RIMS2: variants seen among roughly 807,000 people sequenced by gnomAD.
The protein encoded by RIMS2 is regulating synaptic membrane exocytosis 2.
RIMS2 carries 59 observed loss-of-function variants against 174.4 expected under a neutral mutation model. The ratio of observed to expected loss-of-function variants is 0.34; its 90% CI spans 0.27 to 0.42. The LOEUF (loss-of-function observed/expected upper bound fraction) is 0.42, where lower values mean the gene tolerates loss of function less well. Ranked by LOEUF, RIMS2 falls within the 10% of genes least tolerant of loss-of-function variation. RIMS2 has a pLI of 1.00. For synonymous variants in RIMS2, 606 were observed against 572.5 expected, an observed-to-expected ratio of 1.06 and a Z score of -0.84; for missense variants, 1,620 against 1,666.3, an observed-to-expected ratio of 0.97 and a Z score of 0.48.
chr8:103,586,327 AAGAT>A (rs2093919569), intron 1 of RIMS2, among the ~76,000 whole-genome samples: 1 of 152,232 alleles, frequency 6.6e-6, no homozygotes, highest in African/African-American at 2.4e-5. Flanking sequence ...ATCATTCTCA[AAGAT>A]AGACTATATG....
At chr8:103,746,261 G>T (rs2097812315) in intron 2 of RIMS2, among the ~76,000 whole-genome samples, 1 of 151,592 alleles carries the variant, frequency 6.6e-6, no homozygotes, top group African/African-American at 2.4e-5. Context: ...ATAGATGTAT[G>T]GGTTTATTTC....
intron 14 of RIMS2, among the ~76,000 whole-genome samples, chr8:103,958,726 G>C (rs2154544984): frequency 6.6e-6 from 1 of 152,274 alleles, no homozygotes; most frequent in Admixed American, 6.5e-5. Context: ...TAGTGCTGAA[G>C]TACTACCAAA....
chr8:104,114,588 G>A (rs2098248811), intron 19 of RIMS2, among the ~76,000 whole-genome samples: 1 of 151,824 alleles, frequency 6.6e-6, no homozygotes, highest in Admixed American at 6.6e-5. Context: ...AATAACAGTA[G>A]TATTTAAACC....
chr8:103,852,200 A>G (rs1223209088), intron 3 of RIMS2, among the ~76,000 whole-genome samples: 1 of 152,034 alleles, frequency 6.6e-6, no homozygotes, highest in Non-Finnish European at 1.5e-5. Flanking sequence ...GAGGGGAATT[A>G]GCATTAATTG....
At chr8:103,613,752 C>T (rs766490867) in intron 1 of RIMS2, among the ~76,000 whole-genome samples, 3 of 152,082 alleles carry the variant, frequency 2.0e-5, no homozygotes, top group South Asian at 2.1e-4. Flanking sequence ...AGAGTCAGCA[C>T]GTGATTAATC....
At chr8:103,908,454 T>G (rs1049099999) in intron 4 of RIMS2, among the ~76,000 whole-genome samples, 1 of 152,224 alleles carries the variant, frequency 6.6e-6, no homozygotes, top group Non-Finnish European at 1.5e-5. Context: ...ATGTACATTT[T>G]TATCATTTTA....
intron 4 of RIMS2, among the ~76,000 whole-genome samples, chr8:103,899,503 TGGTTG>T (rs2154523769): frequency 6.6e-6 from 1 of 151,988 alleles, no homozygotes; most frequent in East Asian, 1.9e-4. Flanking sequence ...ATGTGTCTGT[TGGTTG>T]CATAAATGTC....
chr8:103,774,359 T>C (rs3107471), intron 3 of RIMS2, among the ~76,000 whole-genome samples: 128,282 of 152,224 alleles, frequency 0.84, 54,571 homozygotes, highest in African/African-American at 0.96. Flanking sequence ...AATATATCTA[T>C]AAAATACTTG....
intron 19 of RIMS2, among the ~76,000 whole-genome samples, chr8:104,092,588 A>G (rs2097680920): frequency 6.6e-6 from 1 of 151,816 alleles, no homozygotes; most frequent in Non-Finnish European, 1.5e-5. Flanking sequence ...TTGCAAAAAA[A>G]GATATTATTA....
intron 1 of RIMS2, among the ~76,000 whole-genome samples, chr8:103,551,111 A>C (rs1457420182): frequency 6.6e-6 from 1 of 152,226 alleles, no homozygotes; most frequent in Non-Finnish European, 1.5e-5. Flanking sequence ...GGCCAGCATC[A>C]TCCTGATACC....
chr8:103,684,539 TTTTTA>T (rs71297228), intron 1 of RIMS2, among the ~76,000 whole-genome samples: 4,953 of 134,282 alleles, frequency 0.037, 123 homozygotes, highest in African/African-American at 0.056. Context: ...GTTCATACTT[TTTTTA>T]TTTTATTTTA....
rs1340705366 is a variant in RIMS2, at chr8:103,557,622, C to CTGTAA, written c.176+56560_176+56561insTGTAA. Among the ~76,000 whole-genome samples, 5 of 152,238 alleles carry CTGTAA rather than the reference C, an allele frequency of 3.3e-5. No homozygotes were observed. The East Asian group carries it at 9.6e-4, about 29-fold the overall frequency. On this transcript the variant is annotated intron_variant, in intron 1 of 23. Transcript: ENST00000504942. ...CAGATAAACCCTTGATAATTTCTAC[C>CTGTAA]ATACAGGAGTTTACATTCTCTATCA...
At chr8:103,880,833 T>C (rs1365811300) in intron 3 of RIMS2, 2 of 370,212 alleles carry the variant, frequency 5.4e-6, no homozygotes, top group Non-Finnish European at 9.6e-6. Context: ...TTTTACAGGA[T>C]TATATACTTC....
At chr8:103,875,603 T>C (rs549479697) in intron 3 of RIMS2, among the ~76,000 whole-genome samples, 91 of 152,196 alleles carry the variant, frequency 6.0e-4, no homozygotes, top group Non-Finnish European at 1.1e-3. Flanking sequence ...TAATGACTTA[T>C]TTTCCTTTGG....
intron 5 of RIMS2, chr8:103,910,413 T>A (rs774145794): frequency 1.3e-6 from 2 of 1,597,180 alleles, no homozygotes; most frequent in Non-Finnish European, 1.7e-6. Context: ...AATGATGTAC[T>A]TTGGTGGCCA....
rs544112749 is a variant in RIMS2 at position 104,165,663 on chromosome 8, T to C, written c.3335-79253T>C. Among the ~76,000 whole-genome samples, 17 of 152,210 alleles carry C rather than the reference T, an allele frequency of 1.1e-4. No individual in the cohort carries two copies. In the East Asian group the frequency reaches 2.1e-3, roughly 19 times the overall value. ...CCTTGCTATCAACTGCTTTTTTTTTTCTTAAAATAGTCCACTTTAAGTTTT... is the reference window on the plus strand; with the variant it reads ...CCTTGCTATCAACTGCTTTTTTTTTCCTTAAAATAGTCCACTTTAAGTTTT... On this transcript the variant is annotated intron_variant, in intron 19 of 23. Transcript: ENST00000504942.
At chr8:104,124,291 T>C (rs1335841853) in intron 19 of RIMS2, among the ~76,000 whole-genome samples, 2 of 152,114 alleles carry the variant, frequency 1.3e-5, no homozygotes, top group African/African-American at 4.8e-5. Flanking sequence ...AATCCAGTAT[T>C]ATCTATTATC....
At chr8:104,065,422 T>C (rs898775051) in intron 19 of RIMS2, among the ~76,000 whole-genome samples, 3 of 152,114 alleles carry the variant, frequency 2.0e-5, no homozygotes, top group Admixed American at 2.0e-4. Context: ...ATATTATTAC[T>C]GGATTATTTT....
At chr8:103,533,252 G>A (rs1838081161) in intron 1 of RIMS2, among the ~76,000 whole-genome samples, 1 of 152,148 alleles carries the variant, frequency 6.6e-6, no homozygotes. Context: ...TAAACATTAA[G>A]CCTTTTGGTG....
Sources: gnomAD v4.1 joint callset for allele counts (sites outside exome capture counted in the v4.1 genomes callset) on GRCh38, gnomAD v4.1.1 for gene constraint, MANE v1.5 for transcripts, NCBI Gene and HGNC (gene_info 2026-07-23, HGNC 2026-07-21) for gene names.